SDCCAG8: variants seen among roughly 807,000 people sequenced by gnomAD.
SDCCAG8 encodes serologically defined colon cancer antigen 8.
In SDCCAG8, 74 loss-of-function variants were observed where a neutral mutation model predicts 101.8. The observed-to-expected ratio is 0.73, with a 90% CI of 0.60 to 0.88. The LOEUF (loss-of-function observed/expected upper bound fraction) is 0.88. SDCCAG8 is among the 40% of genes least tolerant of loss of function. SDCCAG8 has a pLI of 0.00. For synonymous variants in SDCCAG8, 281 were observed against 292.9 expected, an observed-to-expected ratio of 0.96 and a Z score of 0.41; for missense variants, 787 against 822.6, an observed-to-expected ratio of 0.96 and a Z score of 0.53.
chr1:243,390,401 A>G (rs1366293125), intron 13 of SDCCAG8, among the ~76,000 whole-genome samples: 1 of 152,206 alleles, frequency 6.6e-6, no homozygotes, highest in Non-Finnish European at 1.5e-5. Flanking sequence ...GAAAGCCAGA[A>G]AAGAAAAGGC....
chr1:243,495,066 T>G (rs1438074823), intron 17 of SDCCAG8, among the ~76,000 whole-genome samples: 1 of 152,232 alleles, frequency 6.6e-6, no homozygotes, highest in Non-Finnish European at 1.5e-5. Flanking sequence ...CCTGCCTGTG[T>G]GTAGAGGAAG....
chr1:243,462,877 A>AG (rs1224807947), intron 16 of SDCCAG8, among the ~76,000 whole-genome samples: 1 of 151,768 alleles, frequency 6.6e-6, no homozygotes, highest in Non-Finnish European at 1.5e-5. Context: ...ACAAAAAAAA[A>AG]CCCTAGGCTC....
intron 1 of SDCCAG8, among the ~76,000 whole-genome samples, chr1:243,256,513 G>A (rs925052146): frequency 2.4e-4 from 36 of 152,302 alleles, no homozygotes; most frequent in African/African-American, 8.4e-4. Flanking sequence ...AGAAACTCTT[G>A]GATAGCTCTA....
At chr1:243,467,513 G>C (rs1014013461) in intron 16 of SDCCAG8, among the ~76,000 whole-genome samples, 7 of 152,210 alleles carry the variant, frequency 4.6e-5, no homozygotes, top group African/African-American at 1.7e-4. Flanking sequence ...GGAGAGAGTT[G>C]TCTGGTTAAG....
chr1:243,477,038 AG>A, intron 16 of SDCCAG8, among the ~76,000 whole-genome samples: 1 of 151,754 alleles, frequency 6.6e-6, no homozygotes, highest in Non-Finnish European at 1.5e-5. Flanking sequence ...ACACACAGAG[AG>A]AAAGGCAGGA....
rs563039404 is a variant in SDCCAG8 at position 243,485,474 on chromosome 1, T to C, written c.1986-3540T>C. Among the ~76,000 whole-genome samples the C allele has an allele frequency of 3.3e-5, 5 of 152,178 alleles. No homozygotes were observed. In the East Asian group the frequency reaches 7.7e-4, roughly 24 times the overall value. On this transcript the variant is annotated intron_variant, in intron 16 of 17. Transcript: ENST00000366541. ...AAATATGACAGAGCAGTAACCACCA[T>C]GGAAAAGAAAAGAGAGCTTATGTGT...
At chr1:243,497,423 A>G (rs535342189) in intron 17 of SDCCAG8, among the ~76,000 whole-genome samples, 18 of 151,972 alleles carry the variant, frequency 1.2e-4, no homozygotes, top group African/African-American at 4.3e-4. Flanking sequence ...GAACCGCAGG[A>G]AATACAAAGC....
chr1:243,466,462 T>C (rs866655754), intron 16 of SDCCAG8, among the ~76,000 whole-genome samples: 16 of 152,204 alleles, frequency 1.1e-4, no homozygotes, highest in African/African-American at 3.9e-4. Flanking sequence ...TCAAATCCTG[T>C]CTCTACTATT....
intron 13 of SDCCAG8, among the ~76,000 whole-genome samples, chr1:243,411,938 C>A (rs2080211414): frequency 6.6e-6 from 1 of 152,158 alleles, no homozygotes; most frequent in African/African-American, 2.4e-5. Flanking sequence ...GGAATTAAAG[C>A]AAACCAATTG....
intron 10 of SDCCAG8, 25 bp from the exon 11 acceptor site, chr1:243,341,014 T>C (rs375605049): frequency 1.2e-6 from 2 of 1,609,094 alleles, no homozygotes; most frequent in Non-Finnish European, 1.7e-6. Flanking sequence ...ACATTATTGT[T>C]TAGGACTTTT....
At chr1:243,440,689 T>C (rs2082475726) in intron 16 of SDCCAG8, among the ~76,000 whole-genome samples, 1 of 152,232 alleles carries the variant, frequency 6.6e-6, no homozygotes, top group Non-Finnish European at 1.5e-5. Context: ...CTTTGTGGGA[T>C]ACCATGGCTT....
At chr1:243,303,888 C>G (rs557690401) in intron 6 of SDCCAG8, among the ~76,000 whole-genome samples, 2 of 152,212 alleles carry the variant, frequency 1.3e-5, no homozygotes, top group South Asian at 4.1e-4. Context: ...GCCTAGCCAA[C>G]ATGATGAAAC....
At chr1:243,442,284 T>A (rs1361643050) in intron 16 of SDCCAG8, among the ~76,000 whole-genome samples, 1 of 152,204 alleles carries the variant, frequency 6.6e-6, no homozygotes, top group Non-Finnish European at 1.5e-5. Flanking sequence ...CTGGTTGTAA[T>A]TGAACAATAA....
chr1:243,309,418 C>T (rs1376718210), intron 8 of SDCCAG8, among the ~76,000 whole-genome samples: 3 of 152,238 alleles, frequency 2.0e-5, no homozygotes, highest in Non-Finnish European at 4.4e-5. Flanking sequence ...ATATTAAAAC[C>T]ATTCTGTACC....
chr1:243,359,306 A>G (rs1045796154), intron 12 of SDCCAG8, among the ~76,000 whole-genome samples: 4 of 152,236 alleles, frequency 2.6e-5, no homozygotes, highest in Non-Finnish European at 4.4e-5. Flanking sequence ...GCACTGCACA[A>G]TTCCACAGAT....
chr1:243,288,511 G>C (rs1185877933), intron 5 of SDCCAG8, among the ~76,000 whole-genome samples: 1 of 151,940 alleles, frequency 6.6e-6, no homozygotes. Context: ...AATAATACAT[G>C]CATGGTGCTG....
At chr1:243,401,738 A>T (rs1372061352) in intron 13 of SDCCAG8, among the ~76,000 whole-genome samples, 1 of 152,116 alleles carries the variant, frequency 6.6e-6, no homozygotes, top group Non-Finnish European at 1.5e-5. Context: ...GATTTACAAA[A>T]AAAAAAAAAT....
intron 3 of SDCCAG8, among the ~76,000 whole-genome samples, chr1:243,271,942 G>A (rs1558213947): frequency 2.6e-5 from 4 of 152,180 alleles, no homozygotes; most frequent in South Asian, 2.1e-4. Flanking sequence ...TTCTTCTGAA[G>A]TTGTTTGTTA....
In SDCCAG8 at chr1:243,316,732, G is replaced by C. The variant is rs547714378; in HGVS notation, c.930-23G>C. 3.1e-6 allele frequency: 5 copies of C among 1,613,882 alleles called. No homozygotes were observed. The Admixed American group carries it at 8.3e-5, about 27-fold the overall frequency. ...GGATCGTTTGATCATTTCTTGTTTTGAATGTTCTTTTTGTGCTGACAGAGA... is the reference window on the plus strand; with the variant it reads ...GGATCGTTTGATCATTTCTTGTTTTCAATGTTCTTTTTGTGCTGACAGAGA... On this transcript the variant is annotated intron_variant, in intron 8 of 17. Coordinates refer to ENST00000366541, the MANE Select transcript of SDCCAG8 (RefSeq NM_006642.5).
Sources: allele counts gnomAD v4.1 joint callset (sites outside exome capture counted in the v4.1 genomes callset), GRCh38; gene constraint gnomAD v4.1.1; transcripts MANE v1.5; gene names NCBI Gene and HGNC (gene_info 2026-07-23, HGNC 2026-07-21).